Variants in RAB27B observed in about 807,000 individuals in gnomAD.
The protein encoded by RAB27B is RAB27B, member RAS oncogene family.
RAB27B carries 15 observed loss-of-function variants against 24.6 expected under a neutral mutation model. The observed-to-expected ratio is 0.61, with a 90% CI of 0.41 to 0.94. The LOEUF is 0.94. Among genes scored for constraint, RAB27B ranks in the 40% least tolerant of loss-of-function variants. The pLI, the probability that RAB27B is intolerant of heterozygous loss-of-function variation, is 0.00. For synonymous variants in RAB27B, 105 were observed against 92.5 expected, an observed-to-expected ratio of 1.14 and a Z score of -0.78; for missense variants, 261 against 266.8, an observed-to-expected ratio of 0.98 and a Z score of 0.15.
chr18:54,797,065 C>G (rs1258624683), intron 2 of RAB27B, among the ~76,000 whole-genome samples: 12 of 152,202 alleles, frequency 7.9e-5, no homozygotes, highest in Admixed American at 7.9e-4. Flanking sequence ...GCCTCTTATT[C>G]TGTCAACATC....
chr18:54,889,838 A>G lies in RAB27B; in HGVS notation c.*425A>G, dbSNP rs1210611444. 1 of 153,636 alleles carries G rather than the reference A, an allele frequency of 6.5e-6. No homozygotes were observed. Among genetic ancestry groups the G allele is most frequent in the African/African-American group, 2.4e-5 (1 of 41,484 alleles). The allele number at this position is 153,636 out of a possible 1,614,324, so 9.5% of individuals were successfully genotyped here. ...TTACTTCTTATATTGAGTCAGATGCATACTTTTAGATTTGCATTGGGGAAA... is the reference window on the plus strand; with the variant it reads ...TTACTTCTTATATTGAGTCAGATGCGTACTTTTAGATTTGCATTGGGGAAA... On this transcript the variant is annotated 3_prime_UTR_variant, in exon 6 of 6. Coordinates refer to ENST00000262094, the MANE Select transcript of RAB27B (RefSeq NM_004163.4).
chr18:54,787,668 A>G (rs1909129595), intron 2 of RAB27B, among the ~76,000 whole-genome samples: 1 of 152,198 alleles, frequency 6.6e-6, no homozygotes, highest in Non-Finnish European at 1.5e-5. Flanking sequence ...AAAATATAAT[A>G]AAATGCAGAG....
At chr18:54,779,324 A>G (rs772080861) in intron 2 of RAB27B, among the ~76,000 whole-genome samples, 1 of 152,170 alleles carries the variant, frequency 6.6e-6, no homozygotes, top group African/African-American at 2.4e-5. Context: ...CACATATTAC[A>G]TTATATTGCA....
intron 1 of RAB27B, among the ~76,000 whole-genome samples, chr18:54,833,013 A>C (rs1319966862): frequency 6.6e-6 from 1 of 152,176 alleles, no homozygotes; most frequent in Non-Finnish European, 1.5e-5. Flanking sequence ...TTTTAAAATG[A>C]CTTGTAGAAC....
rs1302400908 is a variant in RAB27B, at chr18:54,890,236, G to T, written c.*823G>T. 6.6e-6 allele frequency: 1 copy of T among 152,080 alleles called. No homozygotes were observed. The highest frequency in any genetic ancestry group is 1.5e-5 in the Non-Finnish European group (1 of 67,988). The allele number at this position is 152,080 out of a possible 1,614,324, so 9.4% of individuals were successfully genotyped here. Reference sequence around the variant, plus strand: ...CAATTAGGAGCTGATATTATCAGTTGGAATTAAGAGAACTCCAGAGGTTTC... The same window carrying T: ...CAATTAGGAGCTGATATTATCAGTTTGAATTAAGAGAACTCCAGAGGTTTC... On this transcript the variant is annotated 3_prime_UTR_variant, in exon 6 of 6. Transcript: ENST00000262094.
intron 2 of RAB27B, among the ~76,000 whole-genome samples, chr18:54,793,016 A>T (rs191705286): frequency 1.3e-5 from 2 of 152,176 alleles, no homozygotes; most frequent in Admixed American, 6.5e-5. Flanking sequence ...ATTATTTTTA[A>T]TCTGCATTTG....
At chr18:54,829,353 G>T (rs1246687584) in intron 1 of RAB27B, among the ~76,000 whole-genome samples, 1 of 152,176 alleles carries the variant, frequency 6.6e-6, no homozygotes, top group South Asian at 2.1e-4. Flanking sequence ...ACTGAAGTAG[G>T]TGAACTGTAA....
rs545141793 is a variant in RAB27B, at chr18:54,806,606, T to A, written c.-19-70961T>A. 5.3e-5 allele frequency among the ~76,000 whole-genome samples: 8 copies of A among 150,054 alleles called. No homozygotes were observed. The South Asian group carries it at 1.0e-3, about 20-fold the overall frequency. On this transcript the variant is annotated intron_variant, in intron 2 of 4. Transcript: ENST00000586570. ...TCACATAAATATAAGTGACTTAGAA[T>A]GTTTATGTTTGATATTGTATCATAA...
At chr18:54,865,705 T>C (rs550728474) in intron 1 of RAB27B, among the ~76,000 whole-genome samples, 1 of 152,310 alleles carries the variant, frequency 6.6e-6, no homozygotes, top group African/African-American at 2.4e-5. Context: ...TGGAGGGAAA[T>C]GCCAAAACTA....
At position 54,829,918 on chromosome 18, in the gene RAB27B, A is replaced by T. The variant is rs73956975; in HGVS notation, c.-20+1218A>T. Among the ~76,000 whole-genome samples, 276 of 152,302 alleles carry T rather than the reference A, an allele frequency of 1.8e-3. 1 individual carries two copies. Among genetic ancestry groups the T allele is most frequent in the African/African-American group, 6.5e-3 (270 of 41,552 alleles). ...AAGAGGTGATTCCTACCAATGACCA[A>T]AAAGGGGTAATCTTGACAGATAGTT... is the stretch of plus-strand genomic sequence containing the variant. On this transcript the variant is annotated intron_variant, in intron 1 of 5. Transcript: ENST00000262094.
chr18:54,749,670 A>G (rs1379418439), intron 2 of RAB27B, among the ~76,000 whole-genome samples: 2 of 152,220 alleles, frequency 1.3e-5, no homozygotes, highest in Non-Finnish European at 2.9e-5. Flanking sequence ...TATATTTTTT[A>G]AAAGCTACTG....
chr18:54,792,731 A>C (rs1275546653), intron 2 of RAB27B, among the ~76,000 whole-genome samples: 6 of 100,658 alleles, frequency 6.0e-5, no homozygotes, highest in Non-Finnish European at 1.1e-4. Context: ...GTGTTAAGGA[A>C]CTCGTGAAGA....
At chr18:54,723,666 TAGATAGATAAAC>T (rs1909432700) in intron 2 of RAB27B, among the ~76,000 whole-genome samples, 1 of 152,144 alleles carries the variant, frequency 6.6e-6, no homozygotes, top group Non-Finnish European at 1.5e-5. Context: ...GATACGTAGG[TAGATAGATAAAC>T]AGATAGATAA....
At chr18:54,747,070 A>G (rs8093980) in intron 2 of RAB27B, among the ~76,000 whole-genome samples, 146,159 of 152,206 alleles carry the variant, frequency 0.96, 70,464 homozygotes, top group East Asian at 1. Context: ...GGATTATTTT[A>G]TAAAGTTTTG....
At chr18:54,798,787 T>C (rs1032815924) in intron 2 of RAB27B, among the ~76,000 whole-genome samples, 1 of 152,248 alleles carries the variant, frequency 6.6e-6, no homozygotes, top group African/African-American at 2.4e-5. Flanking sequence ...CAATTATTTA[T>C]TTATGACTTA....
chr18:54,765,808 G>A (rs1598888140), intron 2 of RAB27B, among the ~76,000 whole-genome samples: 1 of 152,236 alleles, frequency 6.6e-6, no homozygotes, highest in East Asian at 1.9e-4. Context: ...AGTATTGAAG[G>A]AGGAGATATT....
At chr18:54,870,851 A>T (rs538287642) in intron 1 of RAB27B, among the ~76,000 whole-genome samples, 3 of 152,174 alleles carry the variant, frequency 2.0e-5, no homozygotes, top group Non-Finnish European at 4.4e-5. Context: ...ATTTGCGTCA[A>T]AATAATCTGG....
At chr18:54,848,223 G>A (rs1200453172) in intron 1 of RAB27B, among the ~76,000 whole-genome samples, 1 of 152,198 alleles carries the variant, frequency 6.6e-6, no homozygotes, top group Non-Finnish European at 1.5e-5. Context: ...TAATGAGGCA[G>A]CTTTAGGCTA....
chr18:54,758,910 T>C (rs1380731869), intron 2 of RAB27B, among the ~76,000 whole-genome samples: 3 of 152,136 alleles, frequency 2.0e-5, no homozygotes, highest in Non-Finnish European at 2.9e-5. Flanking sequence ...TAAAATGAGG[T>C]TGAGGGATCA....
Sources: gnomAD v4.1 joint callset for allele counts (sites outside exome capture counted in the v4.1 genomes callset) on GRCh38, gnomAD v4.1.1 for gene constraint, MANE v1.5 for transcripts, NCBI Gene and HGNC (gene_info 2026-07-23, HGNC 2026-07-21) for gene names.